The following CHIC1 variants were observed in gnomAD, a reference collection of about 807,000 sequenced individuals.
CHIC1 encodes the protein cysteine rich hydrophobic domain 1, also known as cysteine-rich hydrophobic domain-containing protein 1.
CHIC1 carries 7 observed loss-of-function variants against 18.5 expected under a neutral mutation model. The observed-to-expected ratio is 0.38, with a 90% CI of 0.22 to 0.71. The LOEUF is 0.71. Ranked by LOEUF, CHIC1 falls within the 30% of genes least tolerant of loss-of-function variation. The pLI is 0.49. For missense variants in CHIC1, 159 were observed against 176.9 expected, an observed-to-expected ratio of 0.90 and a Z score of 0.57; for synonymous variants, 77 against 73.5, an observed-to-expected ratio of 1.05 and a Z score of -0.25.
At position 73,584,493 on chromosome X, in the gene CHIC1, A is replaced by G; in HGVS notation, c.428A>G (p.Lys143Arg). Residue 143 changes from lysine to arginine, a missense_variant, in exon 3 of 6, where the codon AAA becomes AGA. Physicochemically the swap from Lys to Arg is conservative, Grantham distance 26. Coordinates refer to ENST00000373502, the MANE Select transcript of CHIC1 (RefSeq NM_001039840.4). ...CLKKALPVNV[K>R]WLLCGCLCCC... is the part of the protein sequence containing the mutation. ...AAAAAGGCTCTCCCGGTCAATGTGAAATGGCTGCTGTGTGGTTGTCTCTGC... is the reference window on the plus strand; with the variant it reads ...AAAAAGGCTCTCCCGGTCAATGTGAGATGGCTGCTGTGTGGTTGTCTCTGC... The G allele has an allele frequency of 8.5e-7, 1 of 1,171,593 alleles. No individual in the cohort carries two copies. Among genetic ancestry groups the G allele is most frequent in the Non-Finnish European group, 1.1e-6 (1 of 874,262 alleles).
chrX:73,612,865 C>T (rs940172986), intron 3 of CHIC1, among the ~76,000 whole-genome samples: 8 of 111,739 alleles, frequency 7.2e-5, no homozygotes, highest in Non-Finnish European at 1.3e-4. Flanking sequence ...TTCTTTGTTA[C>T]TTTTCTGTGT....
At chrX:73,606,785 G>C (rs955158742) in intron 3 of CHIC1, among the ~76,000 whole-genome samples, 1 of 109,036 alleles carries the variant, frequency 9.2e-6, no homozygotes, top group African/African-American at 3.6e-5. Flanking sequence ...TTCAGACCCT[G>C]TTTGCTTTGG....
chrX:73,598,739 C>G (rs867822474), intron 3 of CHIC1, among the ~76,000 whole-genome samples: 34 of 110,620 alleles, frequency 3.1e-4, no homozygotes, highest in Non-Finnish European at 4.0e-4. Flanking sequence ...CATTGTTGGG[C>G]ATTTGGGTTG....
At chrX:73,674,700 AT>A (rs1603350934) in intron 3 of CHIC1, among the ~76,000 whole-genome samples, 4 of 110,956 alleles carry the variant, frequency 3.6e-5, no homozygotes, top group African/African-American at 3.3e-5. Context: ...GGATTCATTG[AT>A]TTTTTTGAAG....
At chrX:73,617,728 A>G (rs755389228) in intron 3 of CHIC1, among the ~76,000 whole-genome samples, 2 of 111,383 alleles carry the variant, frequency 1.8e-5, no homozygotes, top group East Asian at 5.7e-4. Context: ...TATGGGGGAA[A>G]CTGCCCCCAT....
At chrX:73,639,598 G>A (rs1450392814) in intron 3 of CHIC1, among the ~76,000 whole-genome samples, 3 of 111,168 alleles carry the variant, frequency 2.7e-5, no homozygotes, top group South Asian at 3.7e-4. Context: ...CAGTTCCTAC[G>A]TCCAGAAGGG....
At chrX:73,666,257 T>C (rs1603350178) in intron 3 of CHIC1, among the ~76,000 whole-genome samples, 2 of 111,963 alleles carry the variant, frequency 1.8e-5, no homozygotes, top group South Asian at 3.7e-4. Flanking sequence ...TTGTTCAGTT[T>C]CAATGCAGTT....
rs185874886 is a variant in CHIC1, at chrX:73,644,883, T to C, written c.508-34443T>C. ...AGGTGCCGTCTGTCATCCCTTTCTT[T>C]GACTAGGAACGGGTACTCCCTGACC... On this transcript the variant is annotated intron_variant, in intron 3 of 5. Coordinates refer to ENST00000373502, the MANE Select transcript of CHIC1 (RefSeq NM_001039840.4). Among the ~76,000 whole-genome samples, 528 of 111,847 alleles carry C rather than the reference T, an allele frequency of 4.7e-3. 3 individuals carry two copies. Among genetic ancestry groups the C allele is most frequent in the Non-Finnish European group, 7.1e-3 (379 of 53,104 alleles).
intron 3 of CHIC1, among the ~76,000 whole-genome samples, chrX:73,652,922 A>T (rs1179122016): frequency 8.9e-6 from 1 of 112,038 alleles, no homozygotes; most frequent in East Asian, 2.8e-4. Context: ...ATAAAGATAC[A>T]TGCACACATA....
intron 3 of CHIC1, among the ~76,000 whole-genome samples, chrX:73,597,863 A>G (rs980395875): frequency 9.0e-6 from 1 of 110,597 alleles, no homozygotes; most frequent in East Asian, 2.9e-4. Flanking sequence ...GAGTGAGAAC[A>G]TGCAGTGTTT....
intron 3 of CHIC1, among the ~76,000 whole-genome samples, chrX:73,604,081 A>C (rs1199290114): frequency 9.3e-6 from 1 of 107,710 alleles, no homozygotes; most frequent in Non-Finnish European, 1.9e-5. Context: ...AAGGAATGGT[A>C]CCAGCTCCTG....
chrX:73,652,316 A>G (rs900436625), intron 3 of CHIC1, among the ~76,000 whole-genome samples: 1 of 112,431 alleles, frequency 8.9e-6, no homozygotes, highest in African/African-American at 3.2e-5. Flanking sequence ...CATTCAGGAC[A>G]TAGGCATGGG....
chrX:73,673,983 CT>C (rs2058047329), intron 3 of CHIC1, among the ~76,000 whole-genome samples: 1 of 111,795 alleles, frequency 8.9e-6, no homozygotes, highest in Admixed American at 9.5e-5. Flanking sequence ...TGTCAAAGGC[CT>C]TTTCTGCATC....
At chrX:73,614,103 TTTC>T (rs1223855697) in intron 3 of CHIC1, among the ~76,000 whole-genome samples, 20 of 111,721 alleles carry the variant, frequency 1.8e-4, no homozygotes, top group Non-Finnish European at 3.6e-4. Context: ...AAGACTTTTA[TTTC>T]TTCTTCATGT....
At chrX:73,661,938 A>G (rs2057982269) in intron 3 of CHIC1, among the ~76,000 whole-genome samples, 1 of 110,907 alleles carries the variant, frequency 9.0e-6, no homozygotes, top group Non-Finnish European at 1.9e-5. Flanking sequence ...GAAGTATGCT[A>G]GATGATGAGT....
intron 1 of CHIC1, among the ~76,000 whole-genome samples, chrX:73,570,636 T>G (rs1442987443): frequency 1.8e-5 from 2 of 111,227 alleles, no homozygotes; most frequent in African/African-American, 6.5e-5. Context: ...ACAGAAATTT[T>G]CAGTATACAA....
intron 3 of CHIC1, among the ~76,000 whole-genome samples, chrX:73,642,938 T>G (rs2057865930): frequency 9.0e-6 from 1 of 110,837 alleles, no homozygotes; most frequent in Non-Finnish European, 1.9e-5. Context: ...GTAGTATAGT[T>G]TGAAGTCAGG....
intron 3 of CHIC1, among the ~76,000 whole-genome samples, chrX:73,602,326 G>C (rs1398256490): frequency 9.2e-6 from 1 of 108,993 alleles, no homozygotes; most frequent in Non-Finnish European, 1.9e-5. Context: ...CTTTTGAAAA[G>C]TGTCAGTTCA....
At chrX:73,672,373 A>T (rs760148717) in intron 3 of CHIC1, among the ~76,000 whole-genome samples, 1 of 111,523 alleles carries the variant, frequency 9.0e-6, no homozygotes, top group African/African-American at 3.3e-5. Context: ...GAACTAGTTT[A>T]CAGTCCCACC....
Sources: allele counts gnomAD v4.1 joint callset (sites outside exome capture counted in the v4.1 genomes callset), GRCh38; gene constraint gnomAD v4.1.1; transcripts MANE v1.5; gene names NCBI Gene and HGNC (gene_info 2026-07-23, HGNC 2026-07-21).